Variants in LINGO2 observed in about 807,000 individuals in gnomAD.
LINGO2 encodes the protein leucine rich repeat and Ig domain containing 2.
LINGO2 carries 14 observed loss-of-function variants against 30.6 expected under a neutral mutation model. The ratio of observed to expected loss-of-function variants is 0.46; its 90% confidence interval spans 0.30 to 0.72. The LOEUF (loss-of-function observed/expected upper bound fraction) is 0.72. LINGO2 is among the 30% of genes least tolerant of loss of function. The pLI, the probability that LINGO2 is intolerant of heterozygous loss-of-function variation, is 0.07. For synonymous variants in LINGO2, 317 were observed against 288.5 expected (o/e 1.10, Z -1.00); for missense variants, 729 against 751.7 (o/e 0.97, Z 0.35).
chr9:28,800,758 T>C, the LINGO2 span, among the ~76,000 whole-genome samples: 994 of 152,132 alleles, frequency 6.5e-3, 13 homozygotes, highest in African/African-American at 0.023. Context: ...AATATGCCAG[T>C]CTGAAAATGA....
chr9:28,289,846 C>A (rs976801761), intron 4 of LINGO2, among the ~76,000 whole-genome samples: 1 of 152,148 alleles, frequency 6.6e-6, no homozygotes, highest in Non-Finnish European at 1.5e-5. Flanking sequence ...AGGCTAGAAA[C>A]CAGGAAGCAG....
the LINGO2 span, among the ~76,000 whole-genome samples, chr9:28,999,072 G>T: frequency 1.3e-5 from 2 of 152,076 alleles, no homozygotes; most frequent in Non-Finnish European, 2.9e-5. Flanking sequence ...TTATTTCAGG[G>T]TAAATGAAGT....
At chr9:28,059,855 C>A (rs1415886321) in intron 4 of LINGO2, among the ~76,000 whole-genome samples, 2 of 151,826 alleles carry the variant, frequency 1.3e-5, no homozygotes, top group Non-Finnish European at 2.9e-5. Context: ...TTGTCCAGAG[C>A]AGATTGCAGG....
chr9:28,186,252 T>C (rs1245879773), intron 4 of LINGO2, among the ~76,000 whole-genome samples: 1 of 152,198 alleles, frequency 6.6e-6, no homozygotes, highest in Non-Finnish European at 1.5e-5. Flanking sequence ...AAGAGGCTCA[T>C]ATTGCATGTA....
At chr9:28,751,288 CAAAAAAAAAAA>C in the LINGO2 span, among the ~76,000 whole-genome samples, 1 of 82,018 alleles carries the variant, frequency 1.2e-5, no homozygotes, top group Non-Finnish European at 2.3e-5. Flanking sequence ...AAGATCCAGT[CAAAAAAAAAAA>C]AAAAAAAAAA....
chr9:28,183,552 A>T (rs1819434548), intron 4 of LINGO2, among the ~76,000 whole-genome samples: 1 of 152,052 alleles, frequency 6.6e-6, no homozygotes, highest in South Asian at 2.1e-4. Flanking sequence ...TCATTCATTT[A>T]CTTATTGTCT....
the LINGO2 span, among the ~76,000 whole-genome samples, chr9:28,851,915 A>C: frequency 6.6e-6 from 1 of 151,892 alleles, no homozygotes; most frequent in African/African-American, 2.4e-5. Context: ...TGGAGATAAC[A>C]CTAAAAATCC....
the LINGO2 span, among the ~76,000 whole-genome samples, chr9:29,138,718 C>T: frequency 2.0e-5 from 3 of 152,128 alleles, no homozygotes; most frequent in Non-Finnish European, 4.4e-5. Flanking sequence ...TGCATAGGAA[C>T]AGTGTAGGCC....
At chr9:28,657,182 AAT>A (rs899740739) in intron 1 of LINGO2, among the ~76,000 whole-genome samples, 7 of 151,952 alleles carry the variant, frequency 4.6e-5, no homozygotes, top group African/African-American at 1.2e-4. Context: ...TAATTTTGGT[AAT>A]ATATATATAA....
the LINGO2 span, among the ~76,000 whole-genome samples, chr9:29,182,611 G>A: frequency 6.6e-6 from 1 of 151,996 alleles, no homozygotes; most frequent in Admixed American, 6.6e-5. Context: ...ATCAAAGGTG[G>A]GCCAACAGAT....
At chr9:28,433,188 G>A (rs1447968310) in intron 2 of LINGO2, among the ~76,000 whole-genome samples, 1 of 152,100 alleles carries the variant, frequency 6.6e-6, no homozygotes, top group Non-Finnish European at 1.5e-5. Flanking sequence ...ACAATTCCAA[G>A]TTGGAAAAGT....
the LINGO2 span, among the ~76,000 whole-genome samples, chr9:28,939,470 T>A: frequency 6.6e-6 from 1 of 152,206 alleles, no homozygotes; most frequent in East Asian, 1.9e-4. Context: ...TATACTTGAC[T>A]ACCCCTAAAA....
the LINGO2 span, among the ~76,000 whole-genome samples, chr9:28,938,722 C>G: frequency 6.6e-6 from 1 of 152,102 alleles, no homozygotes; most frequent in South Asian, 2.1e-4. Flanking sequence ...GCAGACCATG[C>G]CATGTAGGTT....
At chr9:28,559,446 T>C (rs555439927) in intron 1 of LINGO2, among the ~76,000 whole-genome samples, 3 of 152,124 alleles carry the variant, frequency 2.0e-5, no homozygotes, top group Non-Finnish European at 4.4e-5. Context: ...TCAAACATAA[T>C]AGGTCATTGC....
chr9:28,828,186 A>T, the LINGO2 span, among the ~76,000 whole-genome samples: 2 of 151,898 alleles, frequency 1.3e-5, no homozygotes, highest in African/African-American at 4.8e-5. Context: ...TAAATGTTAC[A>T]TTCTTACACG....
chr9:28,011,810 C>T (rs1484690052), intron 5 of LINGO2, among the ~76,000 whole-genome samples: 1 of 152,128 alleles, frequency 6.6e-6, no homozygotes, highest in African/African-American at 2.4e-5. Flanking sequence ...AGAGAAGTGG[C>T]CTGATGAGGG....
chr9:28,892,689 A>G, the LINGO2 span, among the ~76,000 whole-genome samples: 1 of 151,968 alleles, frequency 6.6e-6, no homozygotes, highest in Non-Finnish European at 1.5e-5. Flanking sequence ...AGAAACAGCA[A>G]TGATAACTGT....
intron 4 of LINGO2, among the ~76,000 whole-genome samples, chr9:28,241,608 A>G (rs1821803872): frequency 6.6e-6 from 1 of 152,104 alleles, no homozygotes; most frequent in African/African-American, 2.4e-5. Flanking sequence ...AGCACACCCC[A>G]TCACCAAGGG....
intron 5 of LINGO2, among the ~76,000 whole-genome samples, chr9:27,996,601 G>A (rs1821673411): frequency 6.6e-6 from 1 of 152,142 alleles, no homozygotes; most frequent in Non-Finnish European, 1.5e-5. Context: ...CTAGTGACAG[G>A]GAAAGGTAGT....
Sources: gnomAD v4.1 joint callset for allele counts (sites outside exome capture counted in the v4.1 genomes callset) on GRCh38, gnomAD v4.1.1 for gene constraint, MANE v1.5 for transcripts, NCBI Gene and HGNC (gene_info 2026-07-23, HGNC 2026-07-21) for gene names.